CSMD3: variants seen among roughly 807,000 people sequenced by gnomAD.
CSMD3 encodes the protein CUB and sushi domain-containing protein 3.
Under a neutral mutation model 435.2 loss-of-function variants are expected in CSMD3, and 177 were observed. That is an observed-to-expected ratio of 0.41 (90% CI 0.36 to 0.46). The LOEUF (loss-of-function observed/expected upper bound fraction) is 0.46. CSMD3 is among the 20% of genes least tolerant of loss of function. The pLI, the probability that CSMD3 is intolerant of heterozygous loss-of-function variation, is 0.34. For missense variants in CSMD3, 4,265 were observed against 4,504.6 expected (o/e 0.95, Z 1.52); for synonymous variants, 1,656 against 1,520.5 (o/e 1.09, Z -2.07).
At chr8:112,429,098 T>A (rs1452465166) in intron 32 of CSMD3, among the ~76,000 whole-genome samples, 1 of 152,134 alleles carries the variant, frequency 6.6e-6, no homozygotes, top group African/African-American at 2.4e-5. Context: ...AATATATCTT[T>A]AACTATAGTC....
intron 1 of CSMD3, among the ~76,000 whole-genome samples, chr8:113,398,941 C>A (rs947794023): frequency 6.6e-6 from 1 of 151,348 alleles, no homozygotes; most frequent in African/African-American, 2.4e-5. Flanking sequence ...AGGGACAAGG[C>A]CTGTGTTTGA....
At chr8:113,091,758 T>C in intron 5 of CSMD3, among the ~76,000 whole-genome samples, 1 of 152,090 alleles carries the variant, frequency 6.6e-6, no homozygotes, top group East Asian at 1.9e-4. Context: ...TCTTTTATAT[T>C]GTTCTCTTTA....
chr8:112,969,301 A>C lies in CSMD3; in HGVS notation c.1342+6536T>G, dbSNP rs139504622. On this transcript the variant is annotated intron_variant, in intron 7 of 70. Transcript: ENST00000297405. ...AAAAAATTCCTGCTTCTTTGGATTA[A>C]AATTGCTCACCTAAAATAAACGTTT... 1.9e-3 allele frequency among the ~76,000 whole-genome samples: 296 copies of C among 152,158 alleles called. 1 individual carries two copies. Among genetic ancestry groups the C allele is most frequent in the African/African-American group, 6.7e-3 (280 of 41,566 alleles).
At position 112,311,021 on chromosome 8, in the gene CSMD3, G is replaced by T; in HGVS notation, c.7842C>A (p.Ser2614=). The T allele has an allele frequency of 1.2e-6, 2 of 1,614,008 alleles. 1 individual carries two copies. Among genetic ancestry groups the T allele is most frequent in the Non-Finnish European group, 1.7e-6 (2 of 1,179,984 alleles). ...GCGCATCCCATGCATGATACCCATA[G>T]GAAGACTTTCTGCACACAGCACTGC... ...GKSSAVCRKS[S]YGYHAWDAPV... The change falls in exon 50 of 71, where the codon TCC becomes TCA. Residue 2614 remains serine (S), a synonymous_variant. Transcript: ENST00000297405.
chr8:112,936,338 T>TA (rs2083280158), intron 9 of CSMD3, among the ~76,000 whole-genome samples: 1 of 152,094 alleles, frequency 6.6e-6, no homozygotes, highest in African/African-American at 2.4e-5. Context: ...ATTAAATAAT[T>TA]AAAATCATAT....
At chr8:112,570,754 C>A (rs958469996) in intron 24 of CSMD3, among the ~76,000 whole-genome samples, 3 of 152,132 alleles carry the variant, frequency 2.0e-5, no homozygotes, top group African/African-American at 7.2e-5. Flanking sequence ...CGAGAGAATA[C>A]AGCTCAGAAC....
intron 38 of CSMD3, among the ~76,000 whole-genome samples, chr8:112,354,564 C>T (rs1212838741): frequency 6.6e-6 from 1 of 152,098 alleles, no homozygotes; most frequent in Non-Finnish European, 1.5e-5. Context: ...AACATCCAGG[C>T]TGACAGTCAA....
intron 4 of CSMD3, among the ~76,000 whole-genome samples, chr8:113,115,821 T>C (rs1311796956): frequency 6.6e-6 from 1 of 152,216 alleles, no homozygotes; most frequent in Non-Finnish European, 1.5e-5. Context: ...TGTTTAAATC[T>C]TATCTTCTGA....
At chr8:112,778,884 A>T (rs990893031) in intron 13 of CSMD3, among the ~76,000 whole-genome samples, 1 of 151,926 alleles carries the variant, frequency 6.6e-6, no homozygotes, top group Non-Finnish European at 1.5e-5. Context: ...TTTAATAGGT[A>T]GCTAGTACTA....
Position 112,953,384 on chromosome 8 carries a change from T to G in CSMD3, c.1420+1300A>C, listed in dbSNP as rs536936654. 4.1e-3 allele frequency among the ~76,000 whole-genome samples: 629 copies of G among 151,588 alleles called. 3 individuals are homozygous for G. Among genetic ancestry groups the G allele is most frequent in the Non-Finnish European group, 5.6e-3 (375 of 67,496 alleles). ...TGAATAATTTCTATAAAAGTCATAT[T>G]GTAGCATTGCTTATTTTCCTTAAAA... On this transcript the variant is annotated intron_variant, in intron 8 of 70. Transcript: ENST00000297405.
chr8:112,841,519 C>T (rs2080178192), intron 11 of CSMD3, among the ~76,000 whole-genome samples: 1 of 151,668 alleles, frequency 6.6e-6, no homozygotes. Context: ...TGTGTTTATC[C>T]TTTTATTGTC....
chr8:112,801,349 CA>C (rs1037566361), intron 12 of CSMD3, among the ~76,000 whole-genome samples: 4 of 151,982 alleles, frequency 2.6e-5, no homozygotes, highest in Non-Finnish European at 5.9e-5. Context: ...TGTGCGTAGT[CA>C]ACTATTAAAA....
Position 112,244,475 on chromosome 8 carries a change from C to G in CSMD3, c.10321G>C (p.Gly3441Arg), listed in dbSNP as rs1814502157. The G allele has an allele frequency of 6.2e-7, 1 of 1,613,790 alleles. No individual in the cohort carries two copies. The highest frequency in any genetic ancestry group is 1.1e-5 in the South Asian group (1 of 91,078). The change falls in exon 65 of 71, where the codon GGC (glycine) becomes CGC (arginine). Residue 3441 changes from glycine to arginine, a missense_variant. By Grantham distance (125) the Gly-to-Arg change is moderately radical (BLOSUM62 -2). Coordinates refer to ENST00000297405, the MANE Select transcript of CSMD3 (RefSeq NM_198123.2). Reference sequence around the variant, plus strand: ...TCTGTTCCACCTGCTAAGAAGAAGCCAGGCTGACAGGTATAAATCAGTGTA... The same window carrying G: ...TCTGTTCCACCTGCTAAGAAGAAGCGAGGCTGACAGGTATAAATCAGTGTA... ...GYTLIYTCQP[G>R]FFLAGGTEHR... is the part of the protein sequence containing the mutation.
At chr8:113,415,115 G>A (rs369433844) in intron 1 of CSMD3, among the ~76,000 whole-genome samples, 1 of 152,230 alleles carries the variant, frequency 6.6e-6, no homozygotes, top group South Asian at 2.1e-4. Flanking sequence ...GGATCATGAA[G>A]GCAATTGTAA....
chr8:112,729,097 T>C (rs965978076), intron 13 of CSMD3, among the ~76,000 whole-genome samples: 5 of 152,082 alleles, frequency 3.3e-5, no homozygotes, highest in Non-Finnish European at 5.9e-5. Flanking sequence ...TCAAAAGTTA[T>C]GTACTTTTTC....
intron 13 of CSMD3, among the ~76,000 whole-genome samples, chr8:112,777,890 A>G (rs1333433636): frequency 6.6e-6 from 1 of 151,796 alleles, no homozygotes; most frequent in Non-Finnish European, 1.5e-5. Flanking sequence ...AAACATTGCC[A>G]TGGAAATTGA....
chr8:113,331,966 A>G (rs965967385), intron 1 of CSMD3, among the ~76,000 whole-genome samples: 1 of 151,784 alleles, frequency 6.6e-6, no homozygotes, highest in Admixed American at 6.6e-5. Flanking sequence ...AAATGCAACC[A>G]TACAGCAAAG....
chr8:112,996,768 G>A (rs2085668542), intron 6 of CSMD3, among the ~76,000 whole-genome samples: 1 of 151,434 alleles, frequency 6.6e-6, no homozygotes, highest in African/African-American at 2.4e-5. Flanking sequence ...GGCTAGAGAT[G>A]AACTTTAATT....
chr8:112,985,673 C>T (rs573009243), intron 6 of CSMD3, among the ~76,000 whole-genome samples: 3 of 152,070 alleles, frequency 2.0e-5, no homozygotes, highest in Non-Finnish European at 4.4e-5. Flanking sequence ...GATCACATTA[C>T]CTACTGAGCT....
Sources: allele counts gnomAD v4.1 joint callset (sites outside exome capture counted in the v4.1 genomes callset), GRCh38; gene constraint gnomAD v4.1.1; transcripts MANE v1.5; gene names NCBI Gene and HGNC (gene_info 2026-07-23, HGNC 2026-07-21).